The following ASTN2 variants were observed in gnomAD, a reference collection of about 807,000 sequenced individuals.
The protein encoded by ASTN2 is astrotactin 2, also known as astrotactin-2.
Under a neutral mutation model 139.8 loss-of-function variants are expected in ASTN2, and 54 were observed. The ratio of observed to expected loss-of-function variants is 0.39; its 90% CI spans 0.31 to 0.48. The LOEUF (loss-of-function observed/expected upper bound fraction) is 0.48, where lower values mean the gene tolerates loss of function less well. ASTN2 is among the 20% of genes least tolerant of loss of function. ASTN2 has a pLI of 0.95. For synonymous variants in ASTN2, 756 were observed against 719.5 expected (o/e 1.05, Z -0.81); for missense variants, 1,565 against 1,725.1 (o/e 0.91, Z 1.64).
intron 7 of ASTN2, among the ~76,000 whole-genome samples, chr9:117,006,931 A>G (rs1205954699): frequency 6.6e-6 from 1 of 152,106 alleles, no homozygotes; most frequent in Non-Finnish European, 1.5e-5. Context: ...CCTGACCAAC[A>G]TGGTGAAACC....
intron 1 of ASTN2, among the ~76,000 whole-genome samples, chr9:117,367,216 C>A (rs552018032): frequency 6.6e-6 from 1 of 152,286 alleles, no homozygotes; most frequent in South Asian, 2.1e-4. Context: ...ACAACAAAAA[C>A]AAGGCATACT....
At chr9:117,242,633 A>G (rs1321925055) in intron 2 of ASTN2, among the ~76,000 whole-genome samples, 1 of 152,234 alleles carries the variant, frequency 6.6e-6, no homozygotes, top group Non-Finnish European at 1.5e-5. Context: ...AGCCACTGCT[A>G]CCAGTCTATT....
chr9:117,406,637 C>T (rs1040076088), intron 1 of ASTN2, among the ~76,000 whole-genome samples: 1 of 152,070 alleles, frequency 6.6e-6, no homozygotes, highest in African/African-American at 2.4e-5. Flanking sequence ...TTCCTAGATG[C>T]TGCTTGGCTA....
intron 10 of ASTN2, among the ~76,000 whole-genome samples, chr9:116,969,372 A>T (rs1389707125): frequency 6.6e-6 from 1 of 152,142 alleles, no homozygotes; most frequent in Non-Finnish European, 1.5e-5. Flanking sequence ...GACTAAATGA[A>T]CTTATTTCAG....
chr9:117,378,304 G>C (rs1323843416), intron 1 of ASTN2, among the ~76,000 whole-genome samples: 1 of 152,118 alleles, frequency 6.6e-6, no homozygotes, highest in Non-Finnish European at 1.5e-5. Context: ...CCATCTTCAA[G>C]GTCTAGATCT....
chr9:116,496,176 T>G (rs1465278514), intron 19 of ASTN2, among the ~76,000 whole-genome samples: 2 of 152,190 alleles, frequency 1.3e-5, no homozygotes, highest in Admixed American at 1.3e-4. Flanking sequence ...TCTCATATAT[T>G]GATGGATTGA....
chr9:116,653,399 G>T (rs1415674082), intron 16 of ASTN2, among the ~76,000 whole-genome samples: 1 of 152,168 alleles, frequency 6.6e-6, no homozygotes, highest in Non-Finnish European at 1.5e-5. Context: ...TTCTATACAA[G>T]ATTTCGTGAA....
At chr9:117,260,766 T>A (rs1418847130) in intron 2 of ASTN2, among the ~76,000 whole-genome samples, 2 of 152,178 alleles carry the variant, frequency 1.3e-5, no homozygotes, top group Non-Finnish European at 2.9e-5. Flanking sequence ...GCTTTCTCTG[T>A]TGTGGAATGA....
rs1424454746 is a variant in ASTN2 at position 116,529,731 on chromosome 9, G to A, written c.3356-42231C>T. On this transcript the variant is annotated intron_variant, in intron 19 of 22. Coordinates refer to ENST00000313400, the MANE Select transcript of ASTN2 (RefSeq NM_001365068.1). ...CCCTATGCTGTTCTCATGATAGTGA[G>A]TGAGTTCTCATGAGATCTTATCGTT... Among the ~76,000 whole-genome samples the A allele has an allele frequency of 7.2e-5, 11 of 151,980 alleles. No individual in the cohort carries two copies. The East Asian group carries it at 2.1e-3, about 30-fold the overall frequency.
At chr9:117,372,259 T>C (rs1830009894) in intron 1 of ASTN2, among the ~76,000 whole-genome samples, 1 of 152,178 alleles carries the variant, frequency 6.6e-6, no homozygotes, top group Non-Finnish European at 1.5e-5. Context: ...TCCAATGCCC[T>C]TTGATCATTT....
chr9:116,869,067 C>T (rs895185999), intron 10 of ASTN2, among the ~76,000 whole-genome samples: 1 of 152,034 alleles, frequency 6.6e-6, no homozygotes, highest in East Asian at 1.9e-4. Flanking sequence ...TGCCTGTAAT[C>T]CCAGCTACTC....
intron 1 of ASTN2, among the ~76,000 whole-genome samples, chr9:117,340,028 G>A (rs1034680282): frequency 6.6e-6 from 1 of 151,942 alleles, no homozygotes; most frequent in African/African-American, 2.4e-5. Flanking sequence ...ACCTGGACAG[G>A]GAGAACAAAT....
chr9:116,542,361 C>T (rs1851910385), intron 19 of ASTN2, among the ~76,000 whole-genome samples: 1 of 152,164 alleles, frequency 6.6e-6, no homozygotes, highest in African/African-American at 2.4e-5. Flanking sequence ...TGAGATCCAT[C>T]ATTTACAAGG....
intron 19 of ASTN2, among the ~76,000 whole-genome samples, chr9:116,536,109 T>C (rs971719385): frequency 7.2e-5 from 11 of 152,148 alleles, no homozygotes; most frequent in African/African-American, 1.9e-4. Context: ...ATTCATTTGA[T>C]CTTCAATCAC....
intron 19 of ASTN2, among the ~76,000 whole-genome samples, chr9:116,555,159 A>G (rs563689105): frequency 6.6e-6 from 1 of 152,308 alleles, no homozygotes; most frequent in Non-Finnish European, 1.5e-5. Flanking sequence ...GGGTCTATAG[A>G]GACTGAAAAG....
intron 19 of ASTN2, among the ~76,000 whole-genome samples, chr9:116,511,271 T>G (rs1394278568): frequency 6.6e-6 from 1 of 152,218 alleles, no homozygotes; most frequent in African/African-American, 2.4e-5. Context: ...CATGTGATTT[T>G]TGTCATTGGT....
chr9:116,428,226 T>C (rs1293565151), intron 22 of ASTN2, among the ~76,000 whole-genome samples: 2 of 152,138 alleles, frequency 1.3e-5, no homozygotes, highest in East Asian at 3.9e-4. Flanking sequence ...AGGAGTTAGA[T>C]AAAGAAGAGG....
chr9:117,091,483 A>G (rs1463167345), intron 5 of ASTN2, among the ~76,000 whole-genome samples: 1 of 152,214 alleles, frequency 6.6e-6, no homozygotes, highest in African/African-American at 2.4e-5. Context: ...GGTACAGCAC[A>G]GCATCTGGTA....
At chr9:116,495,397 T>C (rs966498299) in intron 19 of ASTN2, among the ~76,000 whole-genome samples, 1 of 152,154 alleles carries the variant, frequency 6.6e-6, no homozygotes, top group East Asian at 1.9e-4. Context: ...TGGCCAGCCA[T>C]TTCATGTCAA....
Sources: gnomAD v4.1 joint callset for allele counts (sites outside exome capture counted in the v4.1 genomes callset) on GRCh38, gnomAD v4.1.1 for gene constraint, MANE v1.5 for transcripts, NCBI Gene and HGNC (gene_info 2026-07-23, HGNC 2026-07-21) for gene names.